Variants in NXN observed in about 807,000 individuals in gnomAD.
NXN encodes nucleoredoxin, also known as nucleoredoxin 1.
Under a neutral mutation model 48.6 loss-of-function variants are expected in NXN, and 16 were observed. The observed-to-expected ratio is 0.33, with a 90% CI of 0.22 to 0.50. The LOEUF is 0.50. Ranked by LOEUF, NXN falls within the 20% of genes least tolerant of loss-of-function variation. The pLI is 0.98. For missense variants in NXN, 492 were observed against 605.5 expected, an observed-to-expected ratio of 0.81 and a Z score of 1.97; for synonymous variants, 281 against 269.6, an observed-to-expected ratio of 1.04 and a Z score of -0.41.
chr17:857,223 A>C (rs114016267), intron 1 of NXN, among the ~76,000 whole-genome samples: 1,564 of 151,674 alleles, frequency 0.01, 30 homozygotes, highest in African/African-American at 0.036. Context: ...CTGTATCCTC[A>C]CATGGTGGAC....
chr17:960,535 G>A (rs1945673340), intron 1 of NXN, among the ~76,000 whole-genome samples: 1 of 151,952 alleles, frequency 6.6e-6, no homozygotes, highest in South Asian at 2.1e-4. Flanking sequence ...GGAGAGACAG[G>A]ATCTCCCCAT....
chr17:897,691 T>G (rs2068501334), intron 1 of NXN, among the ~76,000 whole-genome samples: 2 of 151,986 alleles, frequency 1.3e-5, no homozygotes, highest in South Asian at 4.2e-4. Context: ...TTATTCTTTT[T>G]TCGAGATGGA....
rs1159400723 is a variant in NXN, at chr17:960,788, A to ATTTT, written c.360+18527_360+18530dup. On this transcript the variant is annotated intron_variant, in intron 1 of 7. Transcript: ENST00000336868. ...CCACCACGCCTGGCCAATTAACTCG[A>ATTTT]TTTTTTTTTTTTTTTGAGATGGTGT... is the stretch of plus-strand genomic sequence containing the variant. Among the ~76,000 whole-genome samples, 168 of 138,202 alleles carry ATTTT rather than the reference A, an allele frequency of 1.2e-3. 3 individuals are homozygous for ATTTT. Among genetic ancestry groups the ATTTT allele is most frequent in the African/African-American group, 3.9e-3 (148 of 37,922 alleles). The allele number at this position is 138,202 out of a possible 152,430, so 90.7% of individuals were successfully genotyped here.
At chr17:853,738 T>TTTTTTTTTTTTTTTTTTTCC (rs1555614493) in intron 1 of NXN, among the ~76,000 whole-genome samples, 2 of 143,564 alleles carry the variant, frequency 1.4e-5, no homozygotes, top group African/African-American at 5.4e-5. Flanking sequence ...TTTTTTTTTT[T>TTTTTTTTTTTTTTTTTTTCC]CCAAGACGGA....
intron 1 of NXN, among the ~76,000 whole-genome samples, chr17:850,825 C>T (rs368542014): frequency 1.2e-4 from 19 of 152,256 alleles, no homozygotes; most frequent in East Asian, 7.7e-4. Context: ...AGGGGGCTGC[C>T]GTTGGCGGAC....
intron 1 of NXN, among the ~76,000 whole-genome samples, chr17:892,910 C>T (rs1422661672): frequency 2.0e-5 from 3 of 152,328 alleles, no homozygotes; most frequent in African/African-American, 7.2e-5. Context: ...ATACCAGCCC[C>T]TCAGTTGTAA....
chr17:811,511 G>C (rs556509673), intron 5 of NXN, among the ~76,000 whole-genome samples: 63 of 146,192 alleles, frequency 4.3e-4, no homozygotes, highest in African/African-American at 1.5e-3. Flanking sequence ...CCCGGGGTTG[G>C]GGGGGGGGCA....
chr17:963,874 G>A (rs1057361338), intron 1 of NXN, among the ~76,000 whole-genome samples: 6 of 151,560 alleles, frequency 4.0e-5, no homozygotes, highest in Non-Finnish European at 1.5e-5. Context: ...TCAGGAGATC[G>A]AGACCATCGT....
In NXN at chr17:922,754, C is replaced by T. The variant is rs561723734; in HGVS notation, c.360+56565G>A. ...GCAACCTCTGCCTCCGGGGTTCAAG[C>T]GATTCTCCTGCCTCGGCCTCCCGAG... On this transcript the variant is annotated intron_variant, in intron 1 of 7. Transcript: ENST00000336868. Among the ~76,000 whole-genome samples the T allele has an allele frequency of 5.9e-5, 9 of 152,078 alleles. No homozygotes were observed. The East Asian group carries it at 5.9e-4, about 10-fold the overall frequency.
At position 800,731 on chromosome 17, in the gene NXN, CCAAA is replaced by C. The variant is rs747243154; in HGVS notation, c.*214_*217del. ...CCGGGCCCCCGGCCATCCCGTGCTC[CCAAA>C]CAGAGTCTCCAAACACGGTGGACTC... On this transcript the variant is annotated 3_prime_UTR_variant, in exon 8 of 8. Coordinates refer to ENST00000336868, the MANE Select transcript of NXN (RefSeq NM_022463.5). The C allele has an allele frequency of 1.6e-4, 63 of 384,536 alleles. No homozygotes were observed. Among genetic ancestry groups the C allele is most frequent in the Middle Eastern group, 1.3e-3 (2 of 1,520 alleles). The allele number at this position is 384,536 out of a possible 1,614,324, so 23.8% of individuals were successfully genotyped here.
intron 1 of NXN, among the ~76,000 whole-genome samples, chr17:826,799 G>C (rs1357762250): frequency 6.6e-6 from 1 of 152,202 alleles, no homozygotes; most frequent in Non-Finnish European, 1.5e-5. Context: ...TCGGCTCTCG[G>C]TGCCGCGTAA....
At chr17:865,370 A>G (rs1035642935) in intron 1 of NXN, among the ~76,000 whole-genome samples, 2 of 151,806 alleles carry the variant, frequency 1.3e-5, no homozygotes, top group Non-Finnish European at 2.9e-5. Flanking sequence ...AGCCTCCTGC[A>G]TAGCTGGGAT....
chr17:976,954 C>T (rs371485620), intron 1 of NXN, among the ~76,000 whole-genome samples: 6 of 151,954 alleles, frequency 3.9e-5, no homozygotes, highest in East Asian at 1.9e-4. Flanking sequence ...TTAGTAGAGA[C>T]GGGGTTTCTC....
At chr17:915,414 G>C (rs1240654055) in intron 1 of NXN, among the ~76,000 whole-genome samples, 2 of 152,224 alleles carry the variant, frequency 1.3e-5, no homozygotes, top group East Asian at 1.9e-4. Flanking sequence ...CTCCCAAGTA[G>C]CTGGGACTAC....
chr17:971,674 C>T (rs2069381465), intron 1 of NXN, among the ~76,000 whole-genome samples: 1 of 151,782 alleles, frequency 6.6e-6, no homozygotes, highest in African/African-American at 2.4e-5. Context: ...CGCGCCACTG[C>T]ACTCCAGCCT....
At chr17:907,286 G>A (rs1292509286) in intron 1 of NXN, among the ~76,000 whole-genome samples, 3 of 151,938 alleles carry the variant, frequency 2.0e-5, no homozygotes, top group Non-Finnish European at 4.4e-5. Context: ...GTGAATTTAG[G>A]TGATTGCTTC....
At chr17:940,624 C>T (rs1403201416) in intron 1 of NXN, among the ~76,000 whole-genome samples, 1 of 152,056 alleles carries the variant, frequency 6.6e-6, no homozygotes, top group African/African-American at 2.4e-5. Flanking sequence ...CCCTTAAAAA[C>T]AAGATTCCAG....
chr17:904,079 G>A (rs2068560742), intron 1 of NXN, among the ~76,000 whole-genome samples: 1 of 152,204 alleles, frequency 6.6e-6, no homozygotes, highest in African/African-American at 2.4e-5. Context: ...TTTTTTTGGA[G>A]GTGATTCATG....
intron 1 of NXN, among the ~76,000 whole-genome samples, chr17:957,598 C>T (rs1371804375): frequency 6.6e-6 from 1 of 151,022 alleles, no homozygotes; most frequent in Non-Finnish European, 1.5e-5. Flanking sequence ...AGCCACTGCA[C>T]TCCAGCCTGG....
Sources: gnomAD v4.1 joint callset for allele counts (sites outside exome capture counted in the v4.1 genomes callset) on GRCh38, gnomAD v4.1.1 for gene constraint, MANE v1.5 for transcripts, NCBI Gene and HGNC (gene_info 2026-07-23, HGNC 2026-07-21) for gene names.